NYNRIN: variants seen among roughly 807,000 people sequenced by gnomAD.
NYNRIN encodes the protein NYN domain and retroviral integrase containing.
In NYNRIN, 86 loss-of-function variants were observed where a neutral mutation model predicts 146.6. The observed-to-expected ratio is 0.59, with a 90% CI of 0.49 to 0.70. The LOEUF (loss-of-function observed/expected upper bound fraction) is 0.70. Among genes scored for constraint, NYNRIN ranks in the 30% least tolerant of loss-of-function variants. The pLI, the probability that NYNRIN is intolerant of heterozygous loss-of-function variation, is 0.00. For missense variants in NYNRIN, 2,191 were observed against 2,377.7 expected, an observed-to-expected ratio of 0.92 and a Z score of 1.63; for synonymous variants, 1,027 against 1,001.3, an observed-to-expected ratio of 1.03 and a Z score of -0.48.
In NYNRIN at chr14:24,416,607, G is replaced by A. The variant is rs765204240; in HGVS notation, c.4858G>A (p.Glu1620Lys). Residue 1620 changes from glutamate to lysine, a missense_variant, in exon 9 of 9, where the codon GAG (glutamate) becomes AAG (lysine). By Grantham distance (56) the Glu-to-Lys change is moderately conservative. Coordinates refer to ENST00000382554, the MANE Select transcript of NYNRIN (RefSeq NM_025081.3). The stretch of plus-strand genomic sequence containing the variant: ...CGCCCCCTGGTCGAACCTGCAGATC[G>A]AGGTGGTGGGCCCGGTCACCATAAG... ...STAPWSNLQIEVVGPVTISEE... is the reference protein window; with the variant it reads ...STAPWSNLQIKVVGPVTISEE... 2.5e-6 allele frequency: 4 copies of A among 1,613,928 alleles called. No individual in the cohort carries two copies. The highest frequency in any genetic ancestry group is 1.1e-5 in the South Asian group (1 of 91,078).
At chr14:24,403,516 GC>G (rs1490433787) in intron 2 of NYNRIN, among the ~76,000 whole-genome samples, 1 of 152,154 alleles carries the variant, frequency 6.6e-6, no homozygotes, top group African/African-American at 2.4e-5. Context: ...TCCCTCTGTA[GC>G]CTCAAGTTAA....
At position 24,409,808 on chromosome 14, in the gene NYNRIN, C is replaced by A. The variant is rs761385721; in HGVS notation, c.2014C>A (p.Pro672Thr). 4.3e-6 allele frequency: 7 copies of A among 1,613,350 alleles called. No homozygotes were observed. The highest frequency in any genetic ancestry group is 5.9e-6 in the Non-Finnish European group (7 of 1,179,634). ...TGCAGCTCCCAAAGTACCTGTGACCCCCAGAGTCTCCAGAGCTCCCAAAAC... is the reference window on the plus strand; with the variant it reads ...TGCAGCTCCCAAAGTACCTGTGACCACCAGAGTCTCCAGAGCTCCCAAAAC... Reference protein sequence around the residue: ...APAAPKVPVTPRVSRAPKTPA... With the variant: ...APAAPKVPVTTRVSRAPKTPA... Residue 672 changes from proline (P) to threonine (T), a missense_variant, in exon 4 of 9, where the codon CCC becomes ACC. This residue lies in a region of NYNRIN where 895 missense variants were observed against 941.2 expected (regional missense o/e 0.95). Transcript: ENST00000382554.
Position 24,414,815 on chromosome 14 carries a change from G to C in NYNRIN, c.3066G>C (p.Ser1022=). Residue 1022 remains serine (S), a synonymous_variant, in exon 9 of 9, where the codon TCG becomes TCC. Coordinates refer to ENST00000382554, the MANE Select transcript of NYNRIN (RefSeq NM_025081.3). The stretch of plus-strand genomic sequence containing the variant: ...CTGAGGAGGACGACCTTGACTCTTC[G>C]CTGGCGTCAGTGTTCAGGGTGGAGT... ...KAAEEDDLDS[S]LASVFRVECP... 1.2e-6 allele frequency: 2 copies of C among 1,613,634 alleles called. No individual in the cohort carries two copies. The highest frequency in any genetic ancestry group is 1.7e-4 in the Middle Eastern group (1 of 6,044).
rs1476177313 is a variant in NYNRIN, at chr14:24,408,252, G to C, written c.582G>C (p.Arg194=). 1 of 1,609,582 alleles carries C rather than the reference G, an allele frequency of 6.2e-7. No individual in the cohort carries two copies. Among genetic ancestry groups the C allele is most frequent in the Non-Finnish European group, 8.5e-7 (1 of 1,179,668 alleles). ...AVQELLLSLV[R]DAAGKEDIIE... ...AGGAGCTGCTGCTGAGCCTGGTGCG[G>C]GATGCTGCGGGCAAGGAAGACATCA... The change falls in exon 3 of 9, where the codon CGG becomes CGC. Residue 194 remains arginine, a synonymous_variant. Transcript: ENST00000382554.
intron 2 of NYNRIN, among the ~76,000 whole-genome samples, chr14:24,400,514 C>G (rs991650926): frequency 8.5e-5 from 13 of 152,320 alleles, no homozygotes; most frequent in African/African-American, 3.1e-4. Flanking sequence ...GCCAGCCAGC[C>G]TGGTAGGCAG....
rs760419360 is a variant in NYNRIN, at chr14:24,416,933, G to A, written c.5184G>A (p.Glu1728=). ...AYWEFKRALK[E]FIFLHGKKWA... ...GGGAATTCAAGAGGGCCCTCAAGGA[G>A]TTCATCTTCCTGCATGGGAAGAAGT... The change falls in exon 9 of 9, where the codon GAG becomes GAA. Residue 1728 remains glutamate, a synonymous_variant. Transcript: ENST00000382554. The A allele has an allele frequency of 2.3e-5, 36 of 1,593,688 alleles. No homozygotes were observed. The highest frequency in any genetic ancestry group is 2.2e-5 in the East Asian group (1 of 44,504).
In NYNRIN at chr14:24,416,187, G is replaced by A. The variant is rs1484736195; in HGVS notation, c.4438G>A (p.Ala1480Thr). The A allele has an allele frequency of 6.2e-7, 1 of 1,613,944 alleles. No individual in the cohort carries two copies. The highest frequency in any genetic ancestry group is 8.5e-7 in the Non-Finnish European group (1 of 1,179,886). Residue 1480 changes from alanine to threonine, a missense_variant, in exon 9 of 9, where the codon GCA becomes ACA. Around this residue, in one of 3 missense-constraint regions of NYNRIN, gnomAD observed 1,291 missense variants for 1,417.0 expected, o/e 0.91. Transcript: ENST00000382554. ...CATGGGCAAGAGGCCCAATTTGCTG[G>A]CATTACAGCTGAGTGACAGCACCCT... ...HAMGKRPNLL[A>T]LQLSDSTLAD...
chr14:24,416,185 T>C lies in NYNRIN; in HGVS notation c.4436T>C (p.Leu1479Pro). Residue 1479 changes from leucine (L) to proline (P), a missense_variant, in exon 9 of 9, where the codon CTG becomes CCG. Transcript: ENST00000382554. ...GCCATGGGCAAGAGGCCCAATTTGC[T>C]GGCATTACAGCTGAGTGACAGCACC... ...PHAMGKRPNL[L>P]ALQLSDSTLA... The C allele has an allele frequency of 6.2e-7, 1 of 1,613,948 alleles. No individual in the cohort carries two copies. Among genetic ancestry groups the C allele is most frequent in the South Asian group, 1.1e-5 (1 of 91,086 alleles).
Position 24,409,124 on chromosome 14 carries a change from C to G in NYNRIN, c.1330C>G (p.Leu444Val). ...TGGGGGGCTGGGAGGAGAAGCAGCC[C>G]TGCAGAATTGCCCAAGGCCAGAGAT... ...PDGGLGGEAA[L>V]QNCPRPEISP... Residue 444 changes from leucine (L) to valine (V), a missense_variant, in exon 4 of 9, where the codon CTG becomes GTG. Leu to Val is a conservative substitution (Grantham distance 32). Transcript: ENST00000382554. 1 of 1,613,886 alleles carries G rather than the reference C, an allele frequency of 6.2e-7. No individual in the cohort carries two copies. The highest frequency in any genetic ancestry group is 8.5e-7 in the Non-Finnish European group (1 of 1,179,874).
chr14:24,404,326 A>G (rs954163126), intron 2 of NYNRIN, among the ~76,000 whole-genome samples: 5 of 152,198 alleles, frequency 3.3e-5, no homozygotes, highest in Non-Finnish European at 5.9e-5. Context: ...AATGTCTAGA[A>G]GTCACTTATA....
rs767574535 is a variant in NYNRIN, at chr14:24,417,396, G to A, written c.5647G>A (p.Ala1883Thr). 10 of 1,562,266 alleles carry A rather than the reference G, an allele frequency of 6.4e-6. No individual in the cohort carries two copies. In the South Asian group the frequency reaches 1.1e-4, roughly 16 times the overall value. ...CATCTATCCCAGCAGTCTGATGAAG[G>A]CCTTTGCCAAGAGTGGCACCCCGCT... ...GCIYPSSLMKAFAKSGTPLSF... is the reference protein window; with the variant it reads ...GCIYPSSLMKTFAKSGTPLSF... Residue 1883 changes from alanine to threonine, a missense_variant, in exon 9 of 9, where the codon GCC becomes ACC. Ala to Thr is a moderately conservative substitution (Grantham distance 58). Around this residue, in one of 3 missense-constraint regions of NYNRIN, gnomAD observed 1,291 missense variants for 1,417.0 expected, o/e 0.91. Transcript: ENST00000382554.
Position 24,411,513 on chromosome 14 carries a change from G to A in NYNRIN, c.2642+63G>A. The A allele has an allele frequency of 7.2e-7, 1 of 1,397,292 alleles. No individual in the cohort carries two copies. The highest frequency in any genetic ancestry group is 1.2e-5 in the South Asian group (1 of 86,798). 86.6% of individuals were successfully genotyped at this position (1,397,292 alleles called of 1,614,324 possible). A position where few individuals can be genotyped will look rare whatever the true frequency, so the allele number is the denominator to read the frequency against. ...GAGTTGGGCCTGGCTGGTGTGTCAG[G>A]TGGAGTCCGGCCTGTCTTCTCTGGG... On this transcript the variant is annotated intron_variant, in intron 6 of 8. Coordinates refer to ENST00000382554, the MANE Select transcript of NYNRIN (RefSeq NM_025081.3). The surrounding 1 kb of genome is among the most constrained non-coding windows in gnomAD (Gnocchi z 4.3).
At position 24,415,342 on chromosome 14, in the gene NYNRIN, A is replaced by G. The variant is rs1401905902; in HGVS notation, c.3593A>G (p.Glu1198Gly). 6 of 1,613,826 alleles carry G rather than the reference A, an allele frequency of 3.7e-6. No homozygotes were observed. The African/African-American group carries it at 8.0e-5, about 22-fold the overall frequency. ...YTSKPLLPDE[E>G]SQGPQSGGDS... ...TCAAAACCCCTCCTCCCTGATGAGG[A>G]GAGCCAGGGCCCCCAGTCAGGGGGT... The change falls in exon 9 of 9, where the codon GAG becomes GGG. Residue 1198 changes from glutamate to glycine, a missense_variant. This residue lies in a region of NYNRIN where 1,291 missense variants were observed against 1,417.0 expected (regional missense o/e 0.91). Coordinates refer to ENST00000382554, the MANE Select transcript of NYNRIN (RefSeq NM_025081.3).
rs1328968980 is a variant in NYNRIN, at chr14:24,416,818, T to C, written c.5069T>C (p.Leu1690Pro). 6.2e-7 allele frequency: 1 copy of C among 1,611,444 alleles called. No individual in the cohort carries two copies. Among genetic ancestry groups the C allele is most frequent in the Admixed American group, 1.7e-5 (1 of 59,888 alleles). The change falls in exon 9 of 9, where the codon CTT becomes CCT. Residue 1690 changes from leucine to proline, a missense_variant. This residue lies in a region of NYNRIN where 1,291 missense variants were observed against 1,417.0 expected (regional missense o/e 0.91). Transcript: ENST00000382554. ...AQGPQFARHV[L>P]VSCGLALGAQ... is the part of the protein sequence containing the mutation. ...GGGCCCCAGTTTGCCCGGCACGTCC[T>C]TGTGAGCTGTGGGCTGGCCCTGGGA...
chr14:24,399,534 C>A (rs2042827601), intron 2 of NYNRIN, 90 bp downstream of exon 2: 2 of 1,183,754 alleles, frequency 1.7e-6, no homozygotes, highest in South Asian at 1.5e-5. Context: ...GCAGAGACAC[C>A]ACCCACCCTG....
At position 24,409,969 on chromosome 14, in the gene NYNRIN, C is replaced by T. The variant is rs1427458324; in HGVS notation, c.2175C>T (p.Pro725=). The change falls in exon 4 of 9, where the codon CCC becomes CCT. Residue 725 remains proline (P), a synonymous_variant. Coordinates refer to ENST00000382554, the MANE Select transcript of NYNRIN (RefSeq NM_025081.3). The part of the protein sequence containing the change: ...KGQGQAGRQG[P]QSSGTLALSS... ...AGGGGCAGGCTGGAAGGCAGGGTCC[C>T]CAGTCCAGTGGCACCTTGGCCCTCA... The T allele has an allele frequency of 1.2e-6, 2 of 1,613,760 alleles. No homozygotes were observed.
chr14:24,416,209 C>T lies in NYNRIN; in HGVS notation c.4460C>T (p.Thr1487Ile). The change falls in exon 9 of 9, where the codon ACC becomes ATC. Residue 1487 changes from threonine (T) to isoleucine (I), a missense_variant. Physicochemically the swap from Thr to Ile is moderately conservative, Grantham distance 89 (BLOSUM62 -1). Coordinates refer to ENST00000382554, the MANE Select transcript of NYNRIN (RefSeq NM_025081.3). The stretch of plus-strand genomic sequence containing the variant: ...CTGGCATTACAGCTGAGTGACAGCA[C>T]CCTGGCCGACATCATTGCCAGGCTG... ...NLLALQLSDS[T>I]LADIIARLQA... is the part of the protein sequence containing the mutation. 1.9e-6 allele frequency: 3 copies of T among 1,613,986 alleles called. No individual in the cohort carries two copies. The highest frequency in any genetic ancestry group is 1.7e-6 in the Non-Finnish European group (2 of 1,179,892).
chr14:24,408,850 G>C lies in NYNRIN; in HGVS notation c.1056G>C (p.Pro352=). The C allele has an allele frequency of 1.2e-6, 2 of 1,614,006 alleles. No homozygotes were observed. Among genetic ancestry groups the C allele is most frequent in the South Asian group, 1.1e-5 (1 of 91,080 alleles). ...GVCPPWKAWT[P]GPAFGPLWPG... ...GCCCACCCTGGAAGGCCTGGACCCC[G>C]GGGCCAGCCTTTGGGCCATTGTGGC... Residue 352 remains proline, a synonymous_variant, in exon 4 of 9, where the codon CCG becomes CCC. Transcript: ENST00000382554.
In NYNRIN at chr14:24,415,936, G is replaced by A; in HGVS notation, c.4187G>A (p.Gly1396Asp). The A allele has an allele frequency of 1.2e-6, 2 of 1,613,830 alleles. No individual in the cohort carries two copies. The highest frequency in any genetic ancestry group is 8.5e-7 in the Non-Finnish European group (1 of 1,179,880). Residue 1396 changes from glycine (G) to aspartate (D), a missense_variant, in exon 9 of 9, where the codon GGC becomes GAC. Physicochemically the swap from Gly to Asp is moderately conservative, Grantham distance 94 (BLOSUM62 -1). Around this residue, in one of 3 missense-constraint regions of NYNRIN, gnomAD observed 1,291 missense variants for 1,417.0 expected, o/e 0.91. Coordinates refer to ENST00000382554, the MANE Select transcript of NYNRIN (RefSeq NM_025081.3). ...CTCCTGCCCCTCTGGAGGGCTCGGG[G>A]CTTCCTCTCCTCTGATGGGGCTCCA... ...WELLPLWRAR[G>D]FLSSDGAPLP...
Sources: allele counts gnomAD v4.1 joint callset (sites outside exome capture counted in the v4.1 genomes callset), GRCh38; gene constraint gnomAD v4.1.1; regional missense constraint gnomAD v4.1.1; non-coding constraint Gnocchi (gnomAD v3.1); transcripts MANE v1.5; gene names NCBI Gene and HGNC (gene_info 2026-07-23, HGNC 2026-07-21).